Variants in MARCHF6 observed in about 807,000 individuals in gnomAD.
The protein encoded by MARCHF6 is membrane associated ring-CH-type finger 6, also known as E3 ubiquitin-protein ligase MARCHF6.
In MARCHF6, 31 loss-of-function variants were observed where a neutral mutation model predicts 133.7. That is an observed-to-expected ratio of 0.23 (90% CI 0.17 to 0.31). MARCHF6 has a LOEUF of 0.31. MARCHF6 is among the 10% of genes least tolerant of loss of function. The pLI, the probability that MARCHF6 is intolerant of heterozygous loss-of-function variation, is 1.00. For missense variants in MARCHF6, 723 were observed against 1,121.6 expected (o/e 0.64, Z 5.08); for synonymous variants, 395 against 402.5 (o/e 0.98, Z 0.22).
At chr5:10,428,357 T>TGA (rs1491227162) in intron 24 of MARCHF6, among the ~76,000 whole-genome samples, 1 of 96,246 alleles carries the variant, frequency 1.0e-5, no homozygotes, top group Non-Finnish European at 2.3e-5. Flanking sequence ...TTTTTTTTTT[T>TGA]GAGAGACGGA....
intron 18 of MARCHF6, among the ~76,000 whole-genome samples, chr5:10,410,523 A>G (rs558984650): frequency 7.2e-5 from 11 of 151,744 alleles, no homozygotes; most frequent in Non-Finnish European, 1.3e-4. Flanking sequence ...TCCAGCTTTC[A>G]TGGAGTAAAT....
At chr5:10,382,016 A>T in intron 4 of MARCHF6, 73 bp downstream of exon 4, 1 of 1,356,314 alleles carries the variant, frequency 7.4e-7, no homozygotes, top group Non-Finnish European at 1.0e-6. Context: ...GCAATATTGC[A>T]TCATATTATT....
intron 22 of MARCHF6, among the ~76,000 whole-genome samples, chr5:10,417,736 A>G (rs572409782): frequency 2.6e-5 from 4 of 151,456 alleles, no homozygotes; most frequent in South Asian, 4.2e-4. Flanking sequence ...AAAAAAAAAA[A>G]AAGACAAAAG....
intron 1 of MARCHF6, among the ~76,000 whole-genome samples, chr5:10,370,361 C>T (rs540765012): frequency 1.3e-5 from 2 of 151,982 alleles, no homozygotes; most frequent in South Asian, 4.2e-4. Flanking sequence ...CCTGAGCCTC[C>T]CAAAGTGCTG....
chr5:10,416,989 G>A (rs556252484), intron 21 of MARCHF6, among the ~76,000 whole-genome samples: 28 of 152,320 alleles, frequency 1.8e-4, no homozygotes, highest in South Asian at 4.1e-4. Context: ...GTGGGCCACC[G>A]TTGGAGCAGG....
chr5:10,418,306 G>A (rs1204112824), intron 22 of MARCHF6, among the ~76,000 whole-genome samples: 1 of 151,782 alleles, frequency 6.6e-6, no homozygotes, highest in Non-Finnish European at 1.5e-5. Context: ...CTTGAGCCTG[G>A]GAGGCCGCGG....
At chr5:10,379,982 T>A (rs1737029950) in intron 3 of MARCHF6, among the ~76,000 whole-genome samples, 1 of 152,200 alleles carries the variant, frequency 6.6e-6, no homozygotes, top group Non-Finnish European at 1.5e-5. Flanking sequence ...TTATAAAATA[T>A]TTTTGCAGCC....
At chr5:10,383,849 A>G (rs1737305738) in intron 4 of MARCHF6, among the ~76,000 whole-genome samples, 1 of 152,214 alleles carries the variant, frequency 6.6e-6, no homozygotes, top group South Asian at 2.1e-4. Context: ...CGTGGGAGAA[A>G]TTGTGACGGG....
chr5:10,405,636 T>C lies in MARCHF6; in HGVS notation c.1411T>C (p.Leu471=), dbSNP rs1361174705. 1 of 1,609,954 alleles carries C rather than the reference T, an allele frequency of 6.2e-7. No individual in the cohort carries two copies. The highest frequency in any genetic ancestry group is 1.1e-5 in the South Asian group (1 of 89,950). Residue 471 remains leucine (L), a synonymous_variant, in exon 16 of 26, where the codon TTG becomes CTG. Transcript: ENST00000274140. ...DFNPVQEMIH[L]PIYRHLRRFI... is the part of the protein sequence containing the mutation. ...CAATCCAGTACAGGAAATGATCCAT[T>C]TGCCAATATATAGGCATCTCCGAAG...
intron 22 of MARCHF6, among the ~76,000 whole-genome samples, chr5:10,419,612 CT>C (rs148493492): frequency 0.018 from 2,535 of 139,238 alleles, 22 homozygotes; most frequent in African/African-American, 0.037. Context: ...AAAGAGCTAC[CT>C]TTTTTTTTTT....
chr5:10,383,357 A>G (rs1737270897), intron 4 of MARCHF6, among the ~76,000 whole-genome samples: 1 of 152,214 alleles, frequency 6.6e-6, no homozygotes, highest in Admixed American at 6.5e-5. Context: ...TGTCTTTTAG[A>G]TTGAACGAGA....
chr5:10,393,925 G>A (rs1579571912), intron 7 of MARCHF6, among the ~76,000 whole-genome samples, 157 bp from the exon 8 acceptor site: 1 of 151,852 alleles, frequency 6.6e-6, no homozygotes, highest in African/African-American at 2.4e-5. Context: ...ATTCTTATTT[G>A]TTCCCTGACA....
At chr5:10,430,815 A>T (rs780675174) in intron 25 of MARCHF6, among the ~76,000 whole-genome samples, 9 of 152,026 alleles carry the variant, frequency 5.9e-5, no homozygotes, top group Non-Finnish European at 1.3e-4. Flanking sequence ...ATGTTGTGGG[A>T]CTCTCTGTTT....
intron 22 of MARCHF6, among the ~76,000 whole-genome samples, chr5:10,422,801 T>TAC (rs555834852): frequency 1.0e-3 from 155 of 151,628 alleles, no homozygotes; most frequent in African/African-American, 3.8e-3. Context: ...AAAATGATAC[T>TAC]ACATACTTTC....
intron 1 of MARCHF6, among the ~76,000 whole-genome samples, chr5:10,362,095 T>C (rs969016792): frequency 1.7e-4 from 26 of 152,134 alleles, no homozygotes; most frequent in African/African-American, 6.3e-4. Context: ...GTCTCTCTCC[T>C]TCCCTTCTGT....
At chr5:10,415,161 G>C (rs1739433396) in intron 20 of MARCHF6, among the ~76,000 whole-genome samples, 1 of 152,142 alleles carries the variant, frequency 6.6e-6, no homozygotes, top group African/African-American at 2.4e-5. Flanking sequence ...TTGCATAACA[G>C]TTTCATTTGG....
Position 10,400,800 on chromosome 5 carries a change from T to C in MARCHF6, c.930T>C (p.His310=), listed in dbSNP as rs191291754. ...CCTTTTTAGCATTTTGCCCTTACCA[T>C]ATTGGTCATTTCTCCCTTGTTGGTT... ...FILVFAFCPY[H]IGHFSLVGLG... Residue 310 remains histidine (H), a synonymous_variant, in exon 11 of 26, where the codon CAT becomes CAC. Coordinates refer to ENST00000274140, the MANE Select transcript of MARCHF6 (RefSeq NM_005885.4). 1.2e-6 allele frequency: 2 copies of C among 1,612,864 alleles called. No individual in the cohort carries two copies. Among genetic ancestry groups the C allele is most frequent in the African/African-American group, 2.7e-5 (2 of 74,990 alleles).
At position 10,430,202 on chromosome 5, in the gene MARCHF6, C is replaced by T. The variant is rs545101859; in HGVS notation, c.2642+174C>T. Among the ~76,000 whole-genome samples, 3 of 150,366 alleles carry T rather than the reference C, an allele frequency of 2.0e-5. No individual in the cohort carries two copies. The East Asian group carries it at 5.9e-4, about 29-fold the overall frequency. ...ATGTGAAGGAGAGTGGAATCAAGGA[C>T]TTAGTTGGCCCAAACACAGGGAATA... On this transcript the variant is annotated intron_variant, in intron 25 of 25. Coordinates refer to ENST00000274140, the MANE Select transcript of MARCHF6 (RefSeq NM_005885.4).
chr5:10,411,529 C>T lies in MARCHF6; in HGVS notation c.1888C>T (p.Pro630Ser), dbSNP rs1739229244. 6.2e-7 allele frequency: 1 copy of T among 1,613,634 alleles called. No homozygotes were observed. Among genetic ancestry groups the T allele is most frequent in the Admixed American group, 1.7e-5 (1 of 59,948 alleles). ...FQPYRRPLNF[P>S]LRIFLLIVFM... ...GCCTTACCGCCGACCTTTAAATTTT[C>T]CACTCAGGGTAGGTGCTATACAGAC... Residue 630 changes from proline to serine, a missense_variant, in exon 19 of 26, where the codon CCA becomes TCA. By Grantham distance (74) the Pro-to-Ser change is moderately conservative. Transcript: ENST00000274140.
Sources: gnomAD v4.1 joint callset for allele counts (sites outside exome capture counted in the v4.1 genomes callset) on GRCh38, gnomAD v4.1.1 for gene constraint, MANE v1.5 for transcripts, NCBI Gene and HGNC (gene_info 2026-07-23, HGNC 2026-07-21) for gene names.